MACROD2: variants seen among roughly 807,000 people sequenced by gnomAD.
The protein encoded by MACROD2 is ADP-ribose glycohydrolase MACROD2.
Under a neutral mutation model 70.4 loss-of-function variants are expected in MACROD2, and 36 were observed. That is an observed-to-expected ratio of 0.51 (90% CI 0.39 to 0.68). The LOEUF (loss-of-function observed/expected upper bound fraction) is 0.68, where lower values mean the gene tolerates loss of function less well. MACROD2 is among the 30% of genes least tolerant of loss of function. The pLI is 0.00. For missense variants in MACROD2, 496 were observed against 538.4 expected, an observed-to-expected ratio of 0.92 and a Z score of 0.78; for synonymous variants, 172 against 178.8, an observed-to-expected ratio of 0.96 and a Z score of 0.30.
intron 5 of MACROD2, among the ~76,000 whole-genome samples, chr20:14,748,508 G>T (rs1460814936): frequency 6.6e-6 from 1 of 152,038 alleles, no homozygotes; most frequent in Non-Finnish European, 1.5e-5. Flanking sequence ...ACATGTCTTT[G>T]TAGGGAGGTC....
At chr20:14,568,080 GAAGT>G (rs1284498754) in intron 4 of MACROD2, among the ~76,000 whole-genome samples, 1 of 152,052 alleles carries the variant, frequency 6.6e-6, no homozygotes, top group East Asian at 1.9e-4. Context: ...GGAAAAGAGA[GAAGT>G]AACATTTTAT....
intron 5 of MACROD2, among the ~76,000 whole-genome samples, chr20:14,788,768 T>G (rs1471649289): frequency 1.7e-5 from 2 of 119,434 alleles, no homozygotes; most frequent in African/African-American, 6.5e-5. Flanking sequence ...GTGGTGTTTT[T>G]TTTTTTTTTT....
intron 12 of MACROD2, among the ~76,000 whole-genome samples, chr20:15,967,168 G>A (rs1473891264): frequency 6.6e-6 from 1 of 152,102 alleles, no homozygotes; most frequent in East Asian, 1.9e-4. Flanking sequence ...ACTCCCATAT[G>A]TGAGCAACCA....
At chr20:15,758,851 T>C (rs2051390034) in intron 8 of MACROD2, among the ~76,000 whole-genome samples, 1 of 151,204 alleles carries the variant, frequency 6.6e-6, no homozygotes, top group South Asian at 2.1e-4. Context: ...CCTAATTCGG[T>C]TTATTAAAGG....
chr20:15,151,471 G>A (rs2076269646), intron 5 of MACROD2, among the ~76,000 whole-genome samples: 2 of 152,226 alleles, frequency 1.3e-5, no homozygotes, highest in South Asian at 4.1e-4. Context: ...CACCTTGAAG[G>A]TGAGGTTAAT....
At chr20:14,741,919 T>C (rs931755634) in intron 5 of MACROD2, among the ~76,000 whole-genome samples, 1 of 152,162 alleles carries the variant, frequency 6.6e-6, no homozygotes, top group Non-Finnish European at 1.5e-5. Context: ...GAGTTATTAC[T>C]GTCATCATAC....
chr20:15,796,665 G>A (rs1354489620), intron 8 of MACROD2, among the ~76,000 whole-genome samples: 3 of 152,048 alleles, frequency 2.0e-5, no homozygotes, highest in African/African-American at 7.2e-5. Context: ...GCAGAGTGCC[G>A]GGCATTTGGC....
At chr20:14,328,174 T>C (rs12480037) in intron 3 of MACROD2, among the ~76,000 whole-genome samples, 1 of 152,148 alleles carries the variant, frequency 6.6e-6, no homozygotes, top group East Asian at 1.9e-4. Flanking sequence ...TTATTAATTT[T>C]AAGCATTATT....
At chr20:14,992,825 CT>C (rs2074916853) in intron 5 of MACROD2, among the ~76,000 whole-genome samples, 1 of 150,466 alleles carries the variant, frequency 6.6e-6, no homozygotes, top group African/African-American at 2.5e-5. Context: ...TTTGAAAAGC[CT>C]TTTTGCCTAT....
At chr20:14,381,383 C>A (rs1008530898) in intron 3 of MACROD2, among the ~76,000 whole-genome samples, 10 of 151,970 alleles carry the variant, frequency 6.6e-5, no homozygotes, top group African/African-American at 2.4e-4. Flanking sequence ...GATCGTTGAC[C>A]TGGATTTTTA....
chr20:15,093,828 G>A (rs2075809529), intron 5 of MACROD2, among the ~76,000 whole-genome samples: 1 of 152,156 alleles, frequency 6.6e-6, no homozygotes, highest in Non-Finnish European at 1.5e-5. Context: ...ATAGTACTTA[G>A]TCTGTGTCAG....
At chr20:15,580,760 C>T (rs1253414317) in intron 8 of MACROD2, among the ~76,000 whole-genome samples, 2 of 152,174 alleles carry the variant, frequency 1.3e-5, no homozygotes, top group African/African-American at 4.8e-5. Context: ...GTGATTACCC[C>T]ATCACATCAT....
intron 7 of MACROD2, among the ~76,000 whole-genome samples, chr20:15,493,409 A>G (rs1054275746): frequency 8.5e-5 from 13 of 152,342 alleles, no homozygotes; most frequent in Non-Finnish European, 1.3e-4. Flanking sequence ...GATTTAAAGT[A>G]TCACCATATG....
chr20:15,007,305 G>A lies in MACROD2; in HGVS notation c.419-222635G>A, dbSNP rs190559165. On this transcript the variant is annotated intron_variant, in intron 5 of 17. Transcript: ENST00000684519. The stretch of plus-strand genomic sequence containing the variant: ...CGTGAACCTGGGAGTTGGAGGTTGC[G>A]GTGAGCCGAGATTGCACCACTGCAC... 3.0e-3 allele frequency among the ~76,000 whole-genome samples: 450 copies of A among 152,016 alleles called. 3 individuals carry two copies. Among genetic ancestry groups the A allele is most frequent in the Admixed American group, 5.5e-3 (84 of 15,258 alleles).
chr20:14,596,238 C>T (rs906232231), intron 4 of MACROD2, among the ~76,000 whole-genome samples: 173 of 151,544 alleles, frequency 1.1e-3, no homozygotes, highest in Non-Finnish European at 4.7e-4. Context: ...TACAGGCGCC[C>T]GCCACCAAGC....
chr20:14,722,356 G>A (rs922042948), intron 5 of MACROD2, among the ~76,000 whole-genome samples: 29 of 152,136 alleles, frequency 1.9e-4, no homozygotes, highest in Non-Finnish European at 4.4e-5. Context: ...GTAAAGAATT[G>A]AGAACAATGA....
chr20:14,622,088 T>C (rs1983861848), intron 4 of MACROD2, among the ~76,000 whole-genome samples: 1 of 152,308 alleles, frequency 6.6e-6, no homozygotes, highest in Non-Finnish European at 1.5e-5. Flanking sequence ...TAAATTGTAT[T>C]ACATTATTTT....
At chr20:14,256,498 T>C (rs2082057557) in intron 3 of MACROD2, among the ~76,000 whole-genome samples, 2 of 152,166 alleles carry the variant, frequency 1.3e-5, no homozygotes, top group Admixed American at 1.3e-4. Context: ...CTCTGAAACA[T>C]GTTATATTCC....
intron 3 of MACROD2, among the ~76,000 whole-genome samples, chr20:14,139,214 C>G (rs758442712): frequency 2.0e-5 from 3 of 152,196 alleles, no homozygotes; most frequent in Non-Finnish European, 4.4e-5. Context: ...GTCTCAAACT[C>G]CTGACCTCAG....
Sources: allele counts gnomAD v4.1 joint callset (sites outside exome capture counted in the v4.1 genomes callset), GRCh38; gene constraint gnomAD v4.1.1; transcripts MANE v1.5; gene names NCBI Gene and HGNC (gene_info 2026-07-23, HGNC 2026-07-21).